The following RAPGEF4 variants were observed in gnomAD, a reference collection of about 807,000 sequenced individuals.
RAPGEF4 encodes the protein RAP guanine-nucleotide-exchange factor (GEF) 4.
RAPGEF4 carries 66 observed loss-of-function variants against 147.9 expected under a neutral mutation model. The ratio of observed to expected loss-of-function variants is 0.45; its 90% CI spans 0.37 to 0.55. The LOEUF (loss-of-function observed/expected upper bound fraction) is 0.55. Among genes scored for constraint, RAPGEF4 ranks in the 20% least tolerant of loss-of-function variants. RAPGEF4 has a pLI of 0.00. For missense variants in RAPGEF4, 1,071 were observed against 1,257.3 expected (o/e 0.85, Z 2.24); for synonymous variants, 419 against 442.7 (o/e 0.95, Z 0.67).
intron 4 of RAPGEF4, 90 bp downstream of exon 4, chr2:172,814,515 A>G: frequency 4.1e-6 from 6 of 1,466,430 alleles, no homozygotes; most frequent in Non-Finnish European, 5.7e-6. Context: ...TCAAGCCTTA[A>G]TGTGTTCTGT....
At chr2:172,857,751 G>A (rs182791140) in intron 4 of RAPGEF4, among the ~76,000 whole-genome samples, 33 of 151,822 alleles carry the variant, frequency 2.2e-4, no homozygotes, top group African/African-American at 5.6e-4. Flanking sequence ...GTGTGGTGGC[G>A]TGCCTGCAGT....
intron 10 of RAPGEF4, among the ~76,000 whole-genome samples, chr2:172,975,687 C>T (rs1487958721): frequency 6.6e-6 from 1 of 152,160 alleles, no homozygotes; most frequent in Non-Finnish European, 1.5e-5. Context: ...TGACATTTTG[C>T]AAGGAAGAAG....
intron 4 of RAPGEF4, among the ~76,000 whole-genome samples, chr2:172,876,430 C>T (rs1387253168): frequency 6.6e-6 from 1 of 152,044 alleles, no homozygotes. Flanking sequence ...CCCATCAATA[C>T]CTAATTTATT....
chr2:173,029,652 A>G (rs1276777767), intron 25 of RAPGEF4, among the ~76,000 whole-genome samples: 1 of 152,196 alleles, frequency 6.6e-6, no homozygotes, highest in East Asian at 1.9e-4. Flanking sequence ...TGCCCAGCCT[A>G]TAGAGATCAC....
At chr2:172,886,696 T>G (rs1021612690) in intron 4 of RAPGEF4, among the ~76,000 whole-genome samples, 1 of 150,516 alleles carries the variant, frequency 6.6e-6, no homozygotes, top group African/African-American at 2.4e-5. Context: ...ACTGTCATGT[T>G]CACTAGGCAA....
At chr2:173,044,517 A>C (rs1319041337) in intron 29 of RAPGEF4, among the ~76,000 whole-genome samples, 1 of 152,102 alleles carries the variant, frequency 6.6e-6, no homozygotes, top group Admixed American at 6.5e-5. Flanking sequence ...TTCACTCACC[A>C]CATCATTTTT....
At chr2:172,886,941 A>T (rs572904993) in intron 4 of RAPGEF4, among the ~76,000 whole-genome samples, 1 of 152,202 alleles carries the variant, frequency 6.6e-6, no homozygotes, top group South Asian at 2.1e-4. Flanking sequence ...TAATCCCAGC[A>T]CTTTGGGAGG....
chr2:172,992,113 G>A (rs1034191333), intron 15 of RAPGEF4, among the ~76,000 whole-genome samples: 29 of 152,022 alleles, frequency 1.9e-4, no homozygotes, highest in African/African-American at 6.8e-4. Context: ...ACAAAATATA[G>A]TAGATAAGAC....
At position 172,858,406 on chromosome 2, in the gene RAPGEF4, G is replaced by A. The variant is rs1275301211; in HGVS notation, c.444+43981G>A. On this transcript the variant is annotated intron_variant, in intron 4 of 30. Transcript: ENST00000397081. ...ACTTTCAAACTGAAGGAGAAGGCCT[G>A]TGTATGTGCTCCTGGAATTCTCTCA... Among the ~76,000 whole-genome samples the A allele has an allele frequency of 2.6e-5, 4 of 152,300 alleles. No individual in the cohort carries two copies. The East Asian group carries it at 5.8e-4, about 22-fold the overall frequency.
At chr2:172,931,174 G>GT (rs1553533393) in intron 6 of RAPGEF4, among the ~76,000 whole-genome samples, 1 of 98,230 alleles carries the variant, frequency 1.0e-5, no homozygotes, top group Non-Finnish European at 2.1e-5. Flanking sequence ...GGCCGGGGTG[G>GT]GGGGGGGGGG....
At chr2:172,780,021 T>C (rs911394145) in intron 1 of RAPGEF4, among the ~76,000 whole-genome samples, 7 of 152,178 alleles carry the variant, frequency 4.6e-5, no homozygotes, top group Admixed American at 4.6e-4. Flanking sequence ...TTCTTCCCTC[T>C]GCCACTTTTT....
intron 4 of RAPGEF4, chr2:172,821,770 T>G: frequency 8.4e-7 from 1 of 1,193,872 alleles, no homozygotes; most frequent in Non-Finnish European, 1.0e-6. Flanking sequence ...AAGGAAGTGT[T>G]TTCTTATTGC....
chr2:172,881,964 G>A (rs1007737810), intron 4 of RAPGEF4, among the ~76,000 whole-genome samples: 4 of 152,156 alleles, frequency 2.6e-5, no homozygotes, highest in African/African-American at 9.7e-5. Context: ...AGTGAGCTGG[G>A]AGTTGGAAAT....
intron 10 of RAPGEF4, 80 bp downstream of exon 10, chr2:172,967,524 G>T: frequency 1.4e-6 from 2 of 1,440,182 alleles, no homozygotes. Context: ...GAGACACAAG[G>T]CTGCTCTCAA....
intron 15 of RAPGEF4, among the ~76,000 whole-genome samples, chr2:172,994,476 C>T (rs373289325): frequency 1.3e-5 from 2 of 152,186 alleles, no homozygotes; most frequent in African/African-American, 4.8e-5. Context: ...GATGCCTCCC[C>T]GTCCTGAGCG....
At chr2:173,006,281 A>G (rs1347945183) in intron 17 of RAPGEF4, among the ~76,000 whole-genome samples, 1 of 152,164 alleles carries the variant, frequency 6.6e-6, no homozygotes, top group Non-Finnish European at 1.5e-5. Context: ...CTGCCAATAG[A>G]TTATCTTTTT....
At position 173,042,820 on chromosome 2, in the gene RAPGEF4, G is replaced by A. The variant is rs570475842; in HGVS notation, c.2854-5780G>A. Among the ~76,000 whole-genome samples, 4 of 152,168 alleles carry A rather than the reference G, an allele frequency of 2.6e-5. No individual in the cohort carries two copies. The highest frequency in any genetic ancestry group is 6.5e-5 in the Admixed American group (1 of 15,286). ...ACATAGAGGTATACATGCTCTACACGTGCCTGGAAAGGCACCTGAACTGTC... is the reference window on the plus strand; with the variant it reads ...ACATAGAGGTATACATGCTCTACACATGCCTGGAAAGGCACCTGAACTGTC... On this transcript the variant is annotated intron_variant, in intron 29 of 30. Transcript: ENST00000397081. The surrounding 1 kb of genome is among the most constrained non-coding windows in gnomAD (Gnocchi z 4.2).
At chr2:172,983,042 A>G (rs1311166875) in intron 10 of RAPGEF4, among the ~76,000 whole-genome samples, 1 of 152,248 alleles carries the variant, frequency 6.6e-6, no homozygotes, top group Non-Finnish European at 1.5e-5. Flanking sequence ...TGACAGTGGC[A>G]TTATTATTCT....
chr2:172,895,283 A>G (rs1698356536), intron 4 of RAPGEF4, among the ~76,000 whole-genome samples: 2 of 152,158 alleles, frequency 1.3e-5, no homozygotes, highest in Non-Finnish European at 1.5e-5. Context: ...CTACTTGTCC[A>G]TAGGATTTAA....
Sources: allele counts gnomAD v4.1 joint callset (sites outside exome capture counted in the v4.1 genomes callset), GRCh38; gene constraint gnomAD v4.1.1; non-coding constraint Gnocchi (gnomAD v3.1); transcripts MANE v1.5; gene names NCBI Gene and HGNC (gene_info 2026-07-23, HGNC 2026-07-21).